Variants in IMMP2L observed in about 807,000 individuals in gnomAD.
IMMP2L encodes the protein inner mitochondrial membrane peptidase subunit 2.
Under a neutral mutation model 19.3 loss-of-function variants are expected in IMMP2L, and 18 were observed. The observed-to-expected ratio is 0.93, with a 90% CI of 0.64 to 1.38. IMMP2L has a LOEUF of 1.38. Ranked by LOEUF, IMMP2L falls within the 40% of genes most tolerant of loss-of-function variation. IMMP2L has a pLI of 0.00. For missense variants in IMMP2L, 233 were observed against 218.2 expected (o/e 1.07, Z -0.43); for synonymous variants, 76 against 73.0 (o/e 1.04, Z -0.21).
intron 3 of IMMP2L, among the ~76,000 whole-genome samples, chr7:111,335,401 G>A (rs1196623028): frequency 6.6e-6 from 1 of 152,002 alleles, no homozygotes; most frequent in East Asian, 1.9e-4. Flanking sequence ...AAGCTAAATG[G>A]CAAATGGACA....
chr7:111,101,464 C>T (rs1797966568), intron 3 of IMMP2L, among the ~76,000 whole-genome samples: 1 of 151,426 alleles, frequency 6.6e-6, no homozygotes, highest in South Asian at 2.1e-4. Context: ...TTATTTTCTG[C>T]ACAAAGTTAC....
intron 3 of IMMP2L, among the ~76,000 whole-genome samples, chr7:111,390,167 C>G (rs1832203359): frequency 6.6e-6 from 1 of 152,128 alleles, no homozygotes; most frequent in South Asian, 2.1e-4. Flanking sequence ...ATCGCCACAG[C>G]TGCAGAGAAC....
intron 3 of IMMP2L, among the ~76,000 whole-genome samples, chr7:111,142,842 G>A (rs1228917849): frequency 6.6e-6 from 1 of 152,132 alleles, no homozygotes; most frequent in African/African-American, 2.4e-5. Context: ...AACTCTCACG[G>A]TCCCAAAACT....
At chr7:111,111,271 C>T (rs76906985) in intron 3 of IMMP2L, among the ~76,000 whole-genome samples, 3,603 of 146,788 alleles carry the variant, frequency 0.025, 152 homozygotes, top group African/African-American at 0.087. Context: ...GTGGGCATAT[C>T]GCCCATGCTC....
chr7:111,342,786 C>G (rs184786316), intron 3 of IMMP2L, among the ~76,000 whole-genome samples: 5 of 152,046 alleles, frequency 3.3e-5, no homozygotes. Context: ...GTAATTCTAG[C>G]TAGCTTAAAA....
intron 2 of IMMP2L, chr7:111,492,321 C>T (rs1370410915): frequency 1.2e-6 from 1 of 858,624 alleles, no homozygotes; most frequent in Non-Finnish European, 1.4e-6. Context: ...AATATACTTC[C>T]CCTCCTTATT....
At chr7:110,902,642 C>CTATTTTGTAGGCAATGG (rs1585199892) in intron 4 of IMMP2L, among the ~76,000 whole-genome samples, 6 of 111,420 alleles carry the variant, frequency 5.4e-5, no homozygotes, top group South Asian at 4.0e-4. Context: ...AGTACAGACT[C>CTATTTTGTAGGCAATGG]GGCCGGGCGC....
intron 4 of IMMP2L, among the ~76,000 whole-genome samples, chr7:110,958,728 A>G (rs574295984): frequency 1.3e-4 from 20 of 152,172 alleles, no homozygotes; most frequent in Non-Finnish European, 1.9e-4. Flanking sequence ...CTGGTTGACC[A>G]GCTGTCTGTC....
At chr7:110,959,734 C>T (rs925159338) in intron 4 of IMMP2L, among the ~76,000 whole-genome samples, 7 of 151,870 alleles carry the variant, frequency 4.6e-5, no homozygotes, top group Non-Finnish European at 1.0e-4. Flanking sequence ...CAAAGGGGGA[C>T]AGATAGACCC....
intron 3 of IMMP2L, among the ~76,000 whole-genome samples, chr7:111,204,957 C>G (rs1362656865): frequency 6.6e-6 from 1 of 152,144 alleles, no homozygotes; most frequent in African/African-American, 2.4e-5. Context: ...ATTCCTCCTG[C>G]TATAACAAAA....
intron 4 of IMMP2L, among the ~76,000 whole-genome samples, chr7:110,926,320 G>C (rs1219960398): frequency 2.0e-5 from 3 of 152,086 alleles, no homozygotes; most frequent in Non-Finnish European, 4.4e-5. Context: ...CATATAACAA[G>C]TTGTAAAACA....
chr7:111,313,726 A>G (rs1044175308), intron 3 of IMMP2L, among the ~76,000 whole-genome samples: 3 of 152,166 alleles, frequency 2.0e-5, no homozygotes, highest in Non-Finnish European at 4.4e-5. Flanking sequence ...AATACAGTAA[A>G]TAATAACTAG....
At chr7:111,085,782 A>G (rs755377293) in intron 3 of IMMP2L, among the ~76,000 whole-genome samples, 12 of 152,226 alleles carry the variant, frequency 7.9e-5, no homozygotes, top group Non-Finnish European at 1.6e-4. Flanking sequence ...TGGTACATAA[A>G]CACCAAGGAA....
chr7:110,832,135 G>T (rs891462989), intron 5 of IMMP2L, among the ~76,000 whole-genome samples: 4 of 152,018 alleles, frequency 2.6e-5, no homozygotes, highest in African/African-American at 9.7e-5. Context: ...GGTGGCGTGT[G>T]CCTGTAGTCC....
chr7:110,878,645 G>A (rs569689586), intron 5 of IMMP2L, among the ~76,000 whole-genome samples: 1 of 151,888 alleles, frequency 6.6e-6, no homozygotes, highest in South Asian at 2.1e-4. Context: ...TGCATATCAT[G>A]TGAAAATCTT....
Position 111,295,466 on chromosome 7 carries a change from T to C in IMMP2L, c.239+191772A>G, listed in dbSNP as rs139731992. Reference sequence around the variant, plus strand: ...AGACACAAGTTGAACAGATTAAGAGTGCAGGTTTCCCTTTCCACAAAAGAT... The same window carrying C: ...AGACACAAGTTGAACAGATTAAGAGCGCAGGTTTCCCTTTCCACAAAAGAT... On this transcript the variant is annotated intron_variant, in intron 3 of 5. Coordinates refer to ENST00000405709, the MANE Select transcript of IMMP2L (RefSeq NM_032549.4). 2.5e-4 allele frequency among the ~76,000 whole-genome samples: 38 copies of C among 151,830 alleles called. 1 individual carries two copies. In the East Asian group the frequency reaches 7.2e-3, roughly 29 times the overall value.
At chr7:111,376,653 T>G (rs1311194216) in intron 3 of IMMP2L, among the ~76,000 whole-genome samples, 3 of 152,122 alleles carry the variant, frequency 2.0e-5, no homozygotes, top group Non-Finnish European at 4.4e-5. Context: ...ATCTAAATGT[T>G]CATCAACTGA....
intron 3 of IMMP2L, among the ~76,000 whole-genome samples, chr7:111,236,258 G>A (rs967716923): frequency 1.3e-5 from 2 of 151,836 alleles, no homozygotes; most frequent in African/African-American, 4.8e-5. Flanking sequence ...ACCTTTTGGG[G>A]TGCTACATAT....
At chr7:110,869,337 A>G (rs1459477409) in intron 5 of IMMP2L, among the ~76,000 whole-genome samples, 1 of 152,190 alleles carries the variant, frequency 6.6e-6, no homozygotes, top group Non-Finnish European at 1.5e-5. Context: ...CAGATTATAC[A>G]TAAGTGCAAT....
Sources: allele counts gnomAD v4.1 joint callset (sites outside exome capture counted in the v4.1 genomes callset), GRCh38; gene constraint gnomAD v4.1.1; transcripts MANE v1.5; gene names NCBI Gene and HGNC (gene_info 2026-07-23, HGNC 2026-07-21).